KATNBL1: variants seen among roughly 807,000 people sequenced by gnomAD.
KATNBL1 encodes the protein katanin regulatory subunit B1 like 1, also known as KATNB1-like protein 1.
A neutral mutation model predicts 44.7 loss-of-function variants in KATNBL1; 28 were observed. That is an observed-to-expected ratio of 0.63 (90% CI 0.46 to 0.86). The LOEUF is 0.86. Ranked by LOEUF, KATNBL1 falls within the 40% of genes least tolerant of loss-of-function variation. The probability of loss-of-function intolerance (pLI) is 0.00; values close to 1 mark genes in which losing one functional copy is unlikely to be tolerated. For missense variants in KATNBL1, 272 were observed against 350.7 expected (o/e 0.78, Z 1.79); for synonymous variants, 78 against 114.9 (o/e 0.68, Z 2.06).
intron 1 of KATNBL1, among the ~76,000 whole-genome samples, chr15:34,178,992 G>A (rs1452088021): frequency 6.6e-6 from 1 of 152,090 alleles, no homozygotes; most frequent in Non-Finnish European, 1.5e-5. Flanking sequence ...GATAAGAATG[G>A]ATCTAAGAAA....
chr15:34,208,190 C>CCATTT (rs1488534163), intron 1 of KATNBL1, among the ~76,000 whole-genome samples: 2 of 151,902 alleles, frequency 1.3e-5, no homozygotes, highest in African/African-American at 4.8e-5. Flanking sequence ...TCTGGTGCAC[C>CCATTT]CATTACCTGA....
chr15:34,155,267 AT>A (rs1888604552), intron 2 of KATNBL1, among the ~76,000 whole-genome samples: 1 of 152,176 alleles, frequency 6.6e-6, no homozygotes, highest in Non-Finnish European at 1.5e-5. Flanking sequence ...TCCTCTTCAA[AT>A]TTCTTTAACA....
chr15:34,160,346 A>G (rs1410348233), intron 2 of KATNBL1, among the ~76,000 whole-genome samples: 2 of 151,838 alleles, frequency 1.3e-5, no homozygotes, highest in Non-Finnish European at 2.9e-5. Flanking sequence ...TCTTACATAT[A>G]CTTTTTGGGC....
chr15:34,140,893 T>C lies in KATNBL1; in HGVS notation c.*1446A>G, dbSNP rs1343265644. ...GTGAGGAATATCTAGCTATATAAAA[T>C]ATAGCTACACAAAACCAGAACTCAG... On this transcript the variant is annotated 3_prime_UTR_variant, in exon 10 of 10. Transcript: ENST00000256544. 6.6e-6 allele frequency: 1 copy of C among 152,124 alleles called. No homozygotes were observed. The highest frequency in any genetic ancestry group is 1.9e-4 in the East Asian group (1 of 5,202). 9.4% of individuals were successfully genotyped at this position (152,124 alleles called of 1,614,324 possible).
intron 1 of KATNBL1, among the ~76,000 whole-genome samples, chr15:34,202,091 T>C (rs1346114270): frequency 6.6e-6 from 1 of 152,210 alleles, no homozygotes; most frequent in Non-Finnish European, 1.5e-5. Flanking sequence ...CGCCCATAGA[T>C]AATGAGGGAT....
Position 34,152,850 on chromosome 15 carries a change from A to T in KATNBL1, c.378T>A (p.Ser126Arg). The stretch of plus-strand genomic sequence containing the variant: ...TTTCTGTCTGTGAAGAACCAGAATC[A>T]CTGGAGTTAACCAAATATGTTCGAC... The part of the protein sequence containing the change: ...HDSRTYLVNS[S>R]DSGSSQTESP... The change falls in exon 4 of 10, where the codon AGT becomes AGA. Residue 126 changes from serine to arginine, a missense_variant. Ser to Arg is a moderately radical substitution (Grantham distance 110). Transcript: ENST00000256544. 1 of 1,613,868 alleles carries T rather than the reference A, an allele frequency of 6.2e-7. No homozygotes were observed. The highest frequency in any genetic ancestry group is 8.5e-7 in the Non-Finnish European group (1 of 1,179,754).
intron 2 of KATNBL1, among the ~76,000 whole-genome samples, chr15:34,160,430 C>T (rs1888763790): frequency 6.6e-6 from 1 of 152,094 alleles, no homozygotes; most frequent in Admixed American, 6.5e-5. Context: ...AATATCTGGC[C>T]AACTATTAGT....
chr15:34,162,471 T>C (rs1406726242), intron 2 of KATNBL1, among the ~76,000 whole-genome samples: 1 of 152,184 alleles, frequency 6.6e-6, no homozygotes, highest in Non-Finnish European at 1.5e-5. Context: ...GATTACCCAG[T>C]CTCAGGTATG....
At chr15:34,147,351 A>AT (rs749063148) in intron 6 of KATNBL1, 29 bp downstream of exon 6, 68 of 1,604,284 alleles carry the variant, frequency 4.2e-5, no homozygotes, top group African/African-American at 9.4e-5. Context: ...CTTTAATCTT[A>AT]TTTTTTTTCT....
intron 1 of KATNBL1, among the ~76,000 whole-genome samples, chr15:34,197,801 G>T (rs1028730589): frequency 6.6e-6 from 1 of 152,188 alleles, no homozygotes; most frequent in Admixed American, 6.5e-5. Context: ...AGGCTGGAGT[G>T]CAGTGGCATG....
chr15:34,164,348 C>T (rs1051915523), intron 1 of KATNBL1, among the ~76,000 whole-genome samples: 3 of 145,390 alleles, frequency 2.1e-5, no homozygotes, highest in Admixed American at 1.4e-4. Context: ...GTATCTATGA[C>T]ATCCAAATGT....
At chr15:34,143,006 G>A (rs751922999) in intron 9 of KATNBL1, 34 of 1,208,202 alleles carry the variant, frequency 2.8e-5, no homozygotes, top group South Asian at 2.0e-4. Flanking sequence ...CACCTTGCCC[G>A]GCCCTCTTCT....
At chr15:34,184,254 C>G (rs909054212) in intron 1 of KATNBL1, among the ~76,000 whole-genome samples, 1 of 150,966 alleles carries the variant, frequency 6.6e-6, no homozygotes, top group Non-Finnish European at 1.5e-5. Flanking sequence ...TGCAGTGAGC[C>G]GAGATCGCGC....
chr15:34,150,072 C>A (rs541663523), intron 4 of KATNBL1, among the ~76,000 whole-genome samples: 1 of 152,178 alleles, frequency 6.6e-6, no homozygotes, highest in Admixed American at 6.5e-5. Context: ...TGTATTTTAA[C>A]TTGGCTAAGA....
chr15:34,152,022 C>T (rs1219116047), intron 4 of KATNBL1, among the ~76,000 whole-genome samples: 1 of 150,796 alleles, frequency 6.6e-6, no homozygotes, highest in Non-Finnish European at 1.5e-5. Flanking sequence ...CTCACTGCAA[C>T]CTCTGCCTCC....
chr15:34,164,706 C>T (rs1380714543), intron 1 of KATNBL1, among the ~76,000 whole-genome samples: 1 of 152,220 alleles, frequency 6.6e-6, no homozygotes, highest in Non-Finnish European at 1.5e-5. Flanking sequence ...ATGTAAGTTG[C>T]TCCCTTATTC....
At chr15:34,180,783 C>G (rs751057978) in intron 1 of KATNBL1, among the ~76,000 whole-genome samples, 1 of 152,082 alleles carries the variant, frequency 6.6e-6, no homozygotes, top group Non-Finnish European at 1.5e-5. Flanking sequence ...TTCTTTCAGG[C>G]AGGGCACAGT....
intron 3 of KATNBL1, among the ~76,000 whole-genome samples, chr15:34,153,662 C>T (rs1338729735): frequency 6.6e-6 from 1 of 152,092 alleles, no homozygotes; most frequent in Non-Finnish European, 1.5e-5. Context: ...CCTCCACCTC[C>T]CAGGTTCAAG....
chr15:34,148,683 A>G lies in KATNBL1; in HGVS notation c.506T>C (p.Leu169Ser), dbSNP rs751596602. ...TATACTTCTCTTTCTCCAGAAAGTTAAAGCTACATTCAATCTCATATTCCT... is the reference window on the plus strand; with the variant it reads ...TATACTTCTCTTTCTCCAGAAAGTTGAAGCTACATTCAATCTCATATTCCT... ...FSRNMRLNVALTFWRKRSISE... is the reference protein window; with the variant it reads ...FSRNMRLNVASTFWRKRSISE... The change falls in exon 5 of 10, where the codon TTA (leucine) becomes TCA (serine). Residue 169 changes from leucine (L) to serine (S), a missense_variant. Leu to Ser is a moderately radical substitution (Grantham distance 145). Transcript: ENST00000256544. 9 of 1,612,608 alleles carry G rather than the reference A, an allele frequency of 5.6e-6. No homozygotes were observed. The South Asian group carries it at 9.9e-5, about 18-fold the overall frequency.
Sources: allele counts gnomAD v4.1 joint callset (sites outside exome capture counted in the v4.1 genomes callset), GRCh38; gene constraint gnomAD v4.1.1; transcripts MANE v1.5; gene names NCBI Gene and HGNC (gene_info 2026-07-23, HGNC 2026-07-21).